GUCY1A1: variants seen among roughly 807,000 people sequenced by gnomAD.
GUCY1A1 encodes the protein guanylate cyclase 1 soluble subunit alpha 1, also known as guanylate cyclase soluble subunit alpha-1.
A neutral mutation model predicts 64.5 loss-of-function variants in GUCY1A1; 48 were observed. That is an observed-to-expected ratio of 0.74 (90% confidence interval 0.59 to 0.95). The LOEUF (loss-of-function observed/expected upper bound fraction) is 0.95, where lower values mean the gene tolerates loss of function less well. GUCY1A1 is among the 40% of genes least tolerant of loss of function. The pLI is 0.00. For synonymous variants in GUCY1A1, 308 were observed against 303.4 expected (o/e 1.02, Z -0.16); for missense variants, 804 against 825.3 (o/e 0.97, Z 0.32).
At chr4:155,667,665 CG>C in intron 2 of GUCY1A1, 1 of 151,800 alleles carries the variant, frequency 6.6e-6, no homozygotes, top group Non-Finnish European at 1.5e-5. Flanking sequence ...GGAGCACAGA[CG>C]GGGGTGGGCG....
Position 155,696,774 on chromosome 4 carries a change from T to C in GUCY1A1, c.-94T>C. 1 of 1,166,556 alleles carries C rather than the reference T, an allele frequency of 8.6e-7. No homozygotes were observed. Among genetic ancestry groups the C allele is most frequent in the African/African-American group, 1.5e-5 (1 of 65,822 alleles). The allele number at this position is 1,166,556 out of a possible 1,614,324, so 72.3% of individuals were successfully genotyped here. A position where few individuals can be genotyped will look rare whatever the true frequency, so the allele number is the denominator to read the frequency against. Reference sequence around the variant, plus strand: ...TCCATAGACATCCCAGTTACCAGTGTCCTTGAATTGATAGTGGCTTCTGTT... The same window carrying C: ...TCCATAGACATCCCAGTTACCAGTGCCCTTGAATTGATAGTGGCTTCTGTT... On this transcript the variant is annotated 5_prime_UTR_variant, in exon 3 of 10. Coordinates refer to ENST00000506455, the MANE Select transcript of GUCY1A1 (RefSeq NM_001130682.3).
intron 2 of GUCY1A1, among the ~76,000 whole-genome samples, chr4:155,671,998 A>C (rs141855987): frequency 0.01 from 1,361 of 134,308 alleles, 16 homozygotes; most frequent in African/African-American, 0.034. Context: ...CCTGAAATCT[A>C]TTCTACTCTT....
rs201185726 is a variant in GUCY1A1, at chr4:155,710,713, G to T, written c.548G>T (p.Gly183Val). The T allele has an allele frequency of 6.2e-7, 1 of 1,614,068 alleles. No homozygotes were observed. Among genetic ancestry groups the T allele is most frequent in the South Asian group, 1.1e-5 (1 of 91,084 alleles). Reference sequence around the variant, plus strand: ...CATTGCCAAGAAGCAGGAAAAAGGGGCAGGCTTGAGGACGCCTCCATTCTA... The same window carrying T: ...CATTGCCAAGAAGCAGGAAAAAGGGTCAGGCTTGAGGACGCCTCCATTCTA... ...SSHCQEAGKR[G>V]RLEDASILCL... Residue 183 changes from glycine (G) to valine (V), a missense_variant, in exon 6 of 10, where the codon GGC becomes GTC. Coordinates refer to ENST00000506455, the MANE Select transcript of GUCY1A1 (RefSeq NM_001130682.3).
intron 2 of GUCY1A1, among the ~76,000 whole-genome samples, chr4:155,669,847 A>G (rs1450464992): frequency 6.6e-6 from 1 of 152,188 alleles, no homozygotes. Context: ...TACATTTGCT[A>G]GCAACTAATG....
Position 155,710,635 on chromosome 4 carries a change from G to T in GUCY1A1, c.470G>T (p.Gly157Val). The T allele has an allele frequency of 6.2e-7, 1 of 1,612,706 alleles. No individual in the cohort carries two copies. Among genetic ancestry groups the T allele is most frequent in the Non-Finnish European group, 8.5e-7 (1 of 1,178,830 alleles). ...GAAAACATCCTTGGGGTGGTTGGAG[G>T]CACCCTTAAAGATTTTTTAAACAGC... ...EDENILGVVG[G>V]TLKDFLNSFS... The change falls in exon 6 of 10, where the codon GGC (glycine) becomes GTC (valine). Residue 157 changes from glycine (G) to valine (V), a missense_variant. Coordinates refer to ENST00000506455, the MANE Select transcript of GUCY1A1 (RefSeq NM_001130682.3).
chr4:155,688,319 G>A lies in GUCY1A1; in HGVS notation c.-112-8437G>A, dbSNP rs566505744. 2.6e-5 allele frequency among the ~76,000 whole-genome samples: 4 copies of A among 152,146 alleles called. No homozygotes were observed. The East Asian group carries it at 7.8e-4, about 29-fold the overall frequency. ...TGTAAGTATGTATGTATGTGTGTGT[G>A]TTTATGTATGTCTCTACATCAAGGA... On this transcript the variant is annotated intron_variant, in intron 2 of 9. Coordinates refer to ENST00000506455, the MANE Select transcript of GUCY1A1 (RefSeq NM_001130682.3).
At chr4:155,705,169 G>A (rs1731574153) in intron 4 of GUCY1A1, among the ~76,000 whole-genome samples, 1 of 152,220 alleles carries the variant, frequency 6.6e-6, no homozygotes, top group African/African-American at 2.4e-5. Context: ...AGGATTACAG[G>A]CATGCGCCAC....
At chr4:155,672,611 G>A (rs554577945) in intron 2 of GUCY1A1, among the ~76,000 whole-genome samples, 1 of 152,252 alleles carries the variant, frequency 6.6e-6, no homozygotes, top group South Asian at 2.1e-4. Context: ...AGGTTCCTGT[G>A]ACCTCTCCTT....
Position 155,697,075 on chromosome 4 carries a change from T to A in GUCY1A1, c.208T>A (p.Tyr70Asn). 2.5e-6 allele frequency: 4 copies of A among 1,613,436 alleles called. No homozygotes were observed. Among genetic ancestry groups the A allele is most frequent in the Non-Finnish European group, 3.4e-6 (4 of 1,179,392 alleles). Residue 70 changes from tyrosine (Y) to asparagine (N), a missense_variant, in exon 3 of 10, where the codon TAT (tyrosine) becomes AAT (asparagine). By Grantham distance (143) the Tyr-to-Asn change is moderately radical. Coordinates refer to ENST00000506455, the MANE Select transcript of GUCY1A1 (RefSeq NM_001130682.3). ...AAGAAAAACCAGTCGGAGCCGAGTC[T>A]ATCTTCACACTTTGGCAGAGAGTAT... is the stretch of plus-strand genomic sequence containing the variant. Reference protein sequence around the residue: ...PQRKTSRSRVYLHTLAESICK... With the variant: ...PQRKTSRSRVNLHTLAESICK...
chr4:155,688,730 GA>G (rs1233675740), intron 2 of GUCY1A1, among the ~76,000 whole-genome samples: 2 of 151,168 alleles, frequency 1.3e-5, no homozygotes, highest in African/African-American at 4.9e-5. Context: ...AGGACTTAGG[GA>G]AAAAATGTGT....
chr4:155,703,533 C>G (rs925120949), intron 3 of GUCY1A1, among the ~76,000 whole-genome samples: 1 of 152,122 alleles, frequency 6.6e-6, no homozygotes, highest in African/African-American at 2.4e-5. Flanking sequence ...ATTGGCCGCC[C>G]GTCCAGAGGG....
chr4:155,698,926 T>A (rs1241433666), intron 3 of GUCY1A1, among the ~76,000 whole-genome samples: 1 of 152,166 alleles, frequency 6.6e-6, no homozygotes, highest in Middle Eastern at 3.2e-3. Context: ...TCTTTGTTGA[T>A]GTTTACATTT....
At chr4:155,720,200 T>G (rs1733778047) in intron 8 of GUCY1A1, among the ~76,000 whole-genome samples, 1 of 152,100 alleles carries the variant, frequency 6.6e-6, no homozygotes, top group Non-Finnish European at 1.5e-5. Context: ...TATGGTAAAT[T>G]TAATATATAA....
chr4:155,731,916 TA>T lies in GUCY1A1; in HGVS notation c.*1688del, dbSNP rs1481562953. On this transcript the variant is annotated 3_prime_UTR_variant, in exon 10 of 10. Coordinates refer to ENST00000506455, the MANE Select transcript of GUCY1A1 (RefSeq NM_001130682.3). ...TCTTACAGGACTGACTTTGACTCAA[TA>T]AACCACTCAGCCTATTATTGGAAAG... The T allele has an allele frequency of 6.6e-6, 1 of 151,664 alleles. No homozygotes were observed. The highest frequency in any genetic ancestry group is 6.6e-5 in the Admixed American group (1 of 15,160). The allele number at this position is 151,664 out of a possible 1,614,324, so 9.4% of individuals were successfully genotyped here.
chr4:155,705,300 GC>G (rs765408174), intron 4 of GUCY1A1, among the ~76,000 whole-genome samples: 1 of 152,202 alleles, frequency 6.6e-6, no homozygotes, highest in Non-Finnish European at 1.5e-5. Context: ...GCAAATCCCA[GC>G]CCTTTGGGAG....
intron 6 of GUCY1A1, chr4:155,711,473 T>C (rs1368130671): frequency 1.1e-5 from 4 of 366,442 alleles, no homozygotes; most frequent in Non-Finnish European, 2.0e-5. Flanking sequence ...GAATGCAGTC[T>C]GCCTTTTAAT....
chr4:155,683,184 T>G (rs530638945), intron 2 of GUCY1A1, among the ~76,000 whole-genome samples: 4 of 152,274 alleles, frequency 2.6e-5, no homozygotes, highest in African/African-American at 9.6e-5. Flanking sequence ...ATAAACTCTA[T>G]GTATAGTGAG....
At chr4:155,694,371 T>G (rs1560930898) in intron 2 of GUCY1A1, among the ~76,000 whole-genome samples, 2 of 151,974 alleles carry the variant, frequency 1.3e-5, no homozygotes, top group Admixed American at 1.3e-4. Flanking sequence ...AGTGAGACCT[T>G]TTCTCTACTA....
intron 9 of GUCY1A1, among the ~76,000 whole-genome samples, chr4:155,727,177 C>T (rs1024000379): frequency 3.3e-5 from 5 of 151,942 alleles, no homozygotes; most frequent in African/African-American, 9.7e-5. Flanking sequence ...AAATGTCCAC[C>T]TATGAGGACA....
Sources: allele counts gnomAD v4.1 joint callset (sites outside exome capture counted in the v4.1 genomes callset), GRCh38; gene constraint gnomAD v4.1.1; transcripts MANE v1.5; gene names NCBI Gene and HGNC (gene_info 2026-07-23, HGNC 2026-07-21).